Variants in GATA4 observed in about 807,000 individuals in gnomAD.
The protein encoded by GATA4 is GATA binding protein 4.
Under a neutral mutation model 37.9 loss-of-function variants are expected in GATA4, and 7 were observed. The ratio of observed to expected loss-of-function variants is 0.18; its 90% CI spans 0.11 to 0.35. The LOEUF (loss-of-function observed/expected upper bound fraction) is 0.35. GATA4 is among the 10% of genes least tolerant of loss of function. The probability of loss-of-function intolerance (pLI) is 1.00; values close to 1 mark genes in which losing one functional copy is unlikely to be tolerated. For synonymous variants in GATA4, 372 were observed against 292.6 expected, an observed-to-expected ratio of 1.27 and a Z score of -2.77; for missense variants, 647 against 653.0, an observed-to-expected ratio of 0.99 and a Z score of 0.10.
Position 11,759,208 on chromosome 8 carries a change from T to C in GATA4, c.*733T>C, listed in dbSNP as rs1032427698. ...TTCAGCTCTGCCCGCAGCTTGTACA[T>C]GTCTCTCCCCTGGCAAAACAAGAGC... On this transcript the variant is annotated 3_prime_UTR_variant, in exon 7 of 7. Coordinates refer to ENST00000532059, the MANE Select transcript of GATA4 (RefSeq NM_001308093.3). 3 of 154,646 alleles carry C rather than the reference T, an allele frequency of 1.9e-5. No homozygotes were observed. The highest frequency in any genetic ancestry group is 1.3e-4 in the Admixed American group (2 of 15,636). 9.6% of individuals were successfully genotyped at this position (154,646 alleles called of 1,614,324 possible).
rs1800054981 is a variant in GATA4, at chr8:11,709,308, T to C, written c.616+380T>C. ...TTTCCTCGTGGAAGGTGCTGGAGAT[T>C]GCTGAGTTTCTGCGCCCCTTTCCTC... On this transcript the variant is annotated intron_variant, in intron 2 of 6. Coordinates refer to ENST00000532059, the MANE Select transcript of GATA4 (RefSeq NM_001308093.3). This position sits in a 1 kb window ranked among gnomAD's most constrained non-coding sequence, Gnocchi z 4.3. 6.6e-6 allele frequency among the ~76,000 whole-genome samples: 1 copy of C among 151,932 alleles called. No individual in the cohort carries two copies. The highest frequency in any genetic ancestry group is 1.5e-5 in the Non-Finnish European group (1 of 67,968).
At chr8:11,678,012 AAATAATAATAATAATAATAATAATAAT>A (rs148395155) in intron 1 of GATA4, among the ~76,000 whole-genome samples, 4 of 141,962 alleles carry the variant, frequency 2.8e-5, no homozygotes, top group South Asian at 2.3e-4. Context: ...GGCTGAGTCA[AAATAATAATAATAATAATAATAATAAT>A]AATAATAATA....
At position 11,758,846 on chromosome 8, in the gene GATA4, C is replaced by T. The variant is rs947820454; in HGVS notation, c.*371C>T. 2.3e-5 allele frequency: 8 copies of T among 341,416 alleles called. No individual in the cohort carries two copies. The highest frequency in any genetic ancestry group is 4.5e-5 in the Non-Finnish European group (8 of 175,924). 21.1% of individuals were successfully genotyped at this position (341,416 alleles called of 1,614,324 possible). On this transcript the variant is annotated 3_prime_UTR_variant, in exon 7 of 7. Coordinates refer to ENST00000532059, the MANE Select transcript of GATA4 (RefSeq NM_001308093.3). ...CTGAGAACAAGCGGAGGGCCGGGCC[C>T]TGGGACCCCTGCTCCAGCCCGAATG...
At chr8:11,750,279 G>A (rs1305466384) in intron 4 of GATA4, 43 bp downstream of exon 4, 1 of 1,608,086 alleles carries the variant, frequency 6.2e-7, no homozygotes, top group Non-Finnish European at 8.5e-7. Context: ...GCCTTCTGAT[G>A]CCCATCTCTC....
intron 1 of GATA4, among the ~76,000 whole-genome samples, chr8:11,686,118 G>T (rs1799127117): frequency 6.6e-6 from 1 of 152,124 alleles, no homozygotes; most frequent in African/African-American, 2.4e-5. Flanking sequence ...TACAAGAAGG[G>T]TGTGGGATGG....
intron 2 of GATA4, among the ~76,000 whole-genome samples, chr8:11,742,525 C>T (rs140126774): frequency 1.9e-4 from 29 of 152,238 alleles, no homozygotes; most frequent in African/African-American, 6.5e-4. Flanking sequence ...TTATAAGGGT[C>T]AGAAGCAGAG....
chr8:11,694,444 C>T (rs1443401343), intron 1 of GATA4: 1 of 983,586 alleles, frequency 1.0e-6, no homozygotes, highest in Non-Finnish European at 1.2e-6. Context: ...TTTTCTTCCC[C>T]CAGAACATTG....
At chr8:11,715,223 A>G (rs1437138502) in intron 2 of GATA4, among the ~76,000 whole-genome samples, 1 of 152,216 alleles carries the variant, frequency 6.6e-6, no homozygotes, top group East Asian at 1.9e-4. Context: ...TTCACTTGAA[A>G]ATACAAAATC....
At chr8:11,699,920 T>A (rs896316281), upstream of GATA4, among the ~76,000 whole-genome samples, 5 of 152,124 alleles carry the variant, frequency 3.3e-5, no homozygotes, top group African/African-American at 1.2e-4. Context: ...AAGACAGTTT[T>A]TAAAAATACG....
chr8:11,711,827 A>T (rs761759862), intron 2 of GATA4, among the ~76,000 whole-genome samples: 1 of 150,680 alleles, frequency 6.6e-6, no homozygotes, highest in African/African-American at 2.4e-5. Context: ...GGGCTCTCCT[A>T]CCTGCCTGGC....
chr8:11,755,170 T>TC lies in GATA4; in HGVS notation c.1000+38dup. 14 of 1,527,642 alleles carry TC rather than the reference T, an allele frequency of 9.2e-6. 1 individual carries two copies. The highest frequency in any genetic ancestry group is 1.3e-5 in the Non-Finnish European group (14 of 1,103,498). The allele number at this position is 1,527,642 out of a possible 1,614,324, so 94.6% of individuals were successfully genotyped here. A position where few individuals can be genotyped will look rare whatever the true frequency, so the allele number is the denominator to read the frequency against. On this transcript the variant is annotated intron_variant, in intron 5 of 6. Transcript: ENST00000532059. ...ATCTGTGAGTGATTATATGAGTACA[T>TC]CAGGAGCCCTCAGAGTGCCTAAGAA...
chr8:11,698,085 CT>C, intron 1 of GATA4: 1 of 873,130 alleles, frequency 1.1e-6, no homozygotes, highest in Non-Finnish European at 1.4e-6. Context: ...CGGCCGCTTT[CT>C]GGCGTCCGTC....
chr8:11,680,613 G>A, intron 1 of GATA4: 5 of 985,360 alleles, frequency 5.1e-6, no homozygotes, highest in Non-Finnish European at 6.0e-6. Flanking sequence ...GGCGGTCGGT[G>A]GCGTGACCTC....
At chr8:11,728,017 T>A (rs1172044167) in intron 2 of GATA4, among the ~76,000 whole-genome samples, 1 of 152,146 alleles carries the variant, frequency 6.6e-6, no homozygotes, top group Non-Finnish European at 1.5e-5. Context: ...AGAGATGGAG[T>A]TTCACGCTTG....
intron 2 of GATA4, among the ~76,000 whole-genome samples, chr8:11,724,650 A>G (rs901480657): frequency 7.2e-5 from 11 of 152,094 alleles, no homozygotes; most frequent in Admixed American, 7.2e-4. Context: ...GCTCCTCATC[A>G]CCTTCGTGAG....
chr8:11,679,712 C>A (rs1344417175), intron 1 of GATA4, among the ~76,000 whole-genome samples: 1 of 152,178 alleles, frequency 6.6e-6, no homozygotes, highest in Non-Finnish European at 1.5e-5. Flanking sequence ...AGTCCTAGCC[C>A]TGCACTGAGG....
At chr8:11,706,715 G>A (rs1799903859) in intron 1 of GATA4, among the ~76,000 whole-genome samples, 1 of 152,156 alleles carries the variant, frequency 6.6e-6, no homozygotes, top group African/African-American at 2.4e-5. Flanking sequence ...AATGGAGTGT[G>A]GTGGACAGCT....
chr8:11,749,984 C>T lies in GATA4; in HGVS notation c.787-127C>T, dbSNP rs899048312. 3.1e-6 allele frequency: 4 copies of T among 1,278,004 alleles called. No homozygotes were observed. The highest frequency in any genetic ancestry group is 4.5e-6 in the Non-Finnish European group (4 of 896,940). 79.2% of individuals were successfully genotyped at this position (1,278,004 alleles called of 1,614,324 possible). A position where few individuals can be genotyped will look rare whatever the true frequency, so the allele number is the denominator to read the frequency against. On this transcript the variant is annotated intron_variant, in intron 3 of 6. Coordinates refer to ENST00000532059, the MANE Select transcript of GATA4 (RefSeq NM_001308093.3). This position sits in a 1 kb window ranked among gnomAD's most constrained non-coding sequence, Gnocchi z 4.6. The stretch of plus-strand genomic sequence containing the variant: ...AGGTGCCGTCACAGGTCAGAGATCT[C>T]ATGCAGGGTCGTTAGGGCCCAGCCC...
At chr8:11,700,898 G>A (rs1333942754), upstream of GATA4, 1 of 152,196 alleles carries the variant, frequency 6.6e-6, no homozygotes, top group Non-Finnish European at 1.5e-5. Context: ...ATGGACCCAG[G>A]CGTGGCACTT....
Sources: allele counts gnomAD v4.1 joint callset (sites outside exome capture counted in the v4.1 genomes callset), GRCh38; gene constraint gnomAD v4.1.1; non-coding constraint Gnocchi (gnomAD v3.1); transcripts MANE v1.5; gene names NCBI Gene and HGNC (gene_info 2026-07-23, HGNC 2026-07-21).